Variants in IL6R observed in about 807,000 individuals in gnomAD.
IL6R encodes interleukin-6 receptor subunit alpha.
A neutral mutation model predicts 48.3 loss-of-function variants in IL6R; 38 were observed. The observed-to-expected ratio is 0.79, with a 90% CI of 0.61 to 1.03. IL6R has a LOEUF of 1.03. IL6R is among the 50% of genes least tolerant of loss of function. The pLI is 0.00. For synonymous variants in IL6R, 264 were observed against 256.2 expected (o/e 1.03, Z -0.29); for missense variants, 534 against 618.3 (o/e 0.86, Z 1.45).
chr1:154,407,629 T>C (rs1687802882), intron 1 of IL6R, among the ~76,000 whole-genome samples: 1 of 152,190 alleles, frequency 6.6e-6, no homozygotes, highest in Admixed American at 6.5e-5. Flanking sequence ...GATGTTTCGC[T>C]TTAGAGAAGT....
chr1:154,447,999 G>A (rs1156488911), intron 6 of IL6R, 126 bp from the exon 7 acceptor site: 3 of 752,876 alleles, frequency 4.0e-6, no homozygotes, highest in East Asian at 5.0e-5. Flanking sequence ...GTGAGCCACC[G>A]CGCCCAGCCC....
At chr1:154,436,141 A>ATGTTTCAACTGTCAT in intron 6 of IL6R, 31 bp downstream of exon 6, 1 of 1,573,256 alleles carries the variant, frequency 6.4e-7, no homozygotes, top group Non-Finnish European at 8.7e-7. Context: ...AAAGGAAGGG[A>ATGTTTCAACTGTCAT]TGTTTCAACT....
intron 1 of IL6R, chr1:154,418,455 A>G (rs1008257389): frequency 4.1e-5 from 40 of 965,582 alleles, no homozygotes; most frequent in Non-Finnish European, 4.8e-5. Context: ...TCAGACAAAT[A>G]CAAGCAGGTA....
intron 8 of IL6R, among the ~76,000 whole-genome samples, chr1:154,450,230 A>C (rs1240991393): frequency 6.6e-6 from 1 of 151,382 alleles, no homozygotes; most frequent in Non-Finnish European, 1.5e-5. Context: ...AGTTCAAGCG[A>C]TTCTCCTGCC....
intron 6 of IL6R, among the ~76,000 whole-genome samples, chr1:154,445,467 A>G (rs998820633): frequency 3.9e-5 from 6 of 151,974 alleles, no homozygotes; most frequent in Admixed American, 3.9e-4. Flanking sequence ...AACCCTAATG[A>G]CAGCTGGGCG....
In IL6R at chr1:154,405,665, G is replaced by A. The variant is rs1281025247; in HGVS notation, c.36G>A (p.Leu12=). ...LAVGCALLAA[L]LAAPGAALAP... is the part of the protein sequence containing the mutation. ...TCGGCTGCGCGCTGCTGGCTGCCCT[G>A]CTGGCCGCGCCGGGAGCGGCGCTGG... Residue 12 remains leucine, a synonymous_variant, in exon 1 of 10, where the codon CTG becomes CTA. Coordinates refer to ENST00000368485, the MANE Select transcript of IL6R (RefSeq NM_000565.4). The surrounding 1 kb of genome is among the most constrained non-coding windows in gnomAD (Gnocchi z 5.2). 4 of 1,531,518 alleles carry A rather than the reference G, an allele frequency of 2.6e-6. No individual in the cohort carries two copies. The highest frequency in any genetic ancestry group is 3.9e-5 in the Admixed American group (2 of 51,102). The allele number at this position is 1,531,518 out of a possible 1,614,324, so 94.9% of individuals were successfully genotyped here.
intron 9 of IL6R, among the ~76,000 whole-genome samples, chr1:154,455,674 G>C (rs1450282721): frequency 6.6e-6 from 1 of 150,752 alleles, no homozygotes; most frequent in Non-Finnish European, 1.5e-5. Flanking sequence ...GGATGGTCTC[G>C]ATCTCCTGAC....
At chr1:154,458,707 C>A (rs1691063493) in intron 9 of IL6R, among the ~76,000 whole-genome samples, 1 of 152,212 alleles carries the variant, frequency 6.6e-6, no homozygotes, top group African/African-American at 2.4e-5. Flanking sequence ...TCGAGACCAG[C>A]CTGGCCAACG....
chr1:154,434,728 CA>C, intron 4 of IL6R, 28 bp downstream of exon 4: 3 of 1,591,198 alleles, frequency 1.9e-6, no homozygotes, highest in Non-Finnish European at 2.6e-6. Flanking sequence ...CCCTCTCCAG[CA>C]GTTTCCTTCT....
chr1:154,416,221 C>T (rs1303614092), intron 1 of IL6R, among the ~76,000 whole-genome samples: 1 of 152,044 alleles, frequency 6.6e-6, no homozygotes, highest in African/African-American at 2.4e-5. Context: ...CCTTGAACTC[C>T]TGGACTCACG....
At chr1:154,431,087 C>G (rs1428061065) in intron 3 of IL6R, among the ~76,000 whole-genome samples, 1 of 151,960 alleles carries the variant, frequency 6.6e-6, no homozygotes, top group East Asian at 1.9e-4. Flanking sequence ...GCGTATCAGG[C>G]TATTTCCATG....
In IL6R at chr1:154,435,155, T is replaced by G; in HGVS notation, c.806T>G (p.Met269Arg). The G allele has an allele frequency of 6.2e-7, 1 of 1,613,862 alleles. No homozygotes were observed. The highest frequency in any genetic ancestry group is 8.5e-7 in the Non-Finnish European group (1 of 1,179,758). ...AERSKTFTTWMVKDLQHHCVI... is the reference protein window; with the variant it reads ...AERSKTFTTWRVKDLQHHCVI... ...CGGTCAAAGACATTCACAACATGGA[T>G]GGTAAATTTATGTTTTACTTCTGGT... is the stretch of plus-strand genomic sequence containing the variant. The change falls in exon 5 of 10, where the codon ATG (methionine) becomes AGG (arginine). Residue 269 changes from methionine (M) to arginine (R), a missense_variant and splice_region_variant. Transcript: ENST00000368485.
At chr1:154,457,943 T>A (rs1690983182) in intron 9 of IL6R, among the ~76,000 whole-genome samples, 1 of 138,170 alleles carries the variant, frequency 7.2e-6, no homozygotes, top group African/African-American at 2.7e-5. Flanking sequence ...TGTTTTCACT[T>A]TTTTTCTTTT....
At chr1:154,441,402 C>T (rs947747410) in intron 6 of IL6R, among the ~76,000 whole-genome samples, 1 of 152,162 alleles carries the variant, frequency 6.6e-6, no homozygotes, top group Non-Finnish European at 1.5e-5. Context: ...TCGGTTTCTT[C>T]TCATGTAAGG....
At chr1:154,416,308 A>ATT (rs1211685761) in intron 1 of IL6R, among the ~76,000 whole-genome samples, 29 of 138,684 alleles carry the variant, frequency 2.1e-4, no homozygotes, top group Admixed American at 3.6e-4. Context: ...TTAAAAAAAA[A>ATT]TTTTTTTTTT....
At chr1:154,432,254 G>T (rs1689333314) in intron 3 of IL6R, among the ~76,000 whole-genome samples, 3 of 152,148 alleles carry the variant, frequency 2.0e-5, no homozygotes, top group South Asian at 2.1e-4. Context: ...TACCTCAAAG[G>T]CTTGTACCAT....
chr1:154,429,481 G>C (rs368041955), intron 2 of IL6R, 37 bp downstream of exon 2: 2 of 1,584,186 alleles, frequency 1.3e-6, no homozygotes, highest in African/African-American at 2.7e-5. Context: ...GATAGTTCCC[G>C]TAAGAAATGA....
intron 1 of IL6R, among the ~76,000 whole-genome samples, chr1:154,416,403 C>T (rs1688355945): frequency 6.6e-6 from 1 of 151,934 alleles, no homozygotes; most frequent in African/African-American, 2.4e-5. Context: ...CCTCAGCCTC[C>T]CAAAGTGTTG....
At chr1:154,444,702 A>T (rs938841135) in intron 6 of IL6R, among the ~76,000 whole-genome samples, 1 of 152,108 alleles carries the variant, frequency 6.6e-6, no homozygotes, top group Admixed American at 6.6e-5. Context: ...GATAGAGACC[A>T]GCCGGGCACC....
Sources: allele counts gnomAD v4.1 joint callset (sites outside exome capture counted in the v4.1 genomes callset), GRCh38; gene constraint gnomAD v4.1.1; non-coding constraint Gnocchi (gnomAD v3.1); transcripts MANE v1.5; gene names NCBI Gene and HGNC (gene_info 2026-07-23, HGNC 2026-07-21).